ACTR3C: variants seen among roughly 807,000 people sequenced by gnomAD.
The protein encoded by ACTR3C is actin-related protein 3C.
A neutral mutation model predicts 26.3 loss-of-function variants in ACTR3C; 18 were observed. That is an observed-to-expected ratio of 0.68 (90% CI 0.47 to 1.01). ACTR3C has a LOEUF of 1.01. Among genes scored for constraint, ACTR3C ranks in the 50% least tolerant of loss-of-function variants. The pLI is 0.00. For missense variants in ACTR3C, 184 were observed against 250.7 expected (o/e 0.73, Z 1.80); for synonymous variants, 55 against 94.5 (o/e 0.58, Z 2.42).
the ACTR3C span, among the ~76,000 whole-genome samples, chr7:150,132,094 T>C: frequency 2.6e-5 from 4 of 152,148 alleles, no homozygotes; most frequent in Non-Finnish European, 5.9e-5. Flanking sequence ...TTAGGGAGTG[T>C]CCTAGTGGGC....
At chr7:150,293,858 C>T (rs1381759372) in intron 2 of ACTR3C, among the ~76,000 whole-genome samples, 1 of 152,142 alleles carries the variant, frequency 6.6e-6, no homozygotes, top group African/African-American at 2.4e-5. Flanking sequence ...ATCCCTTCAT[C>T]CCAGAAGGTC....
At chr7:150,095,184 T>C in the ACTR3C span, among the ~76,000 whole-genome samples, 1 of 149,242 alleles carries the variant, frequency 6.7e-6, no homozygotes, top group African/African-American at 2.6e-5. Flanking sequence ...TGACTTCACA[T>C]ACTTCCTTCC....
intron 6 of ACTR3C, among the ~76,000 whole-genome samples, chr7:150,250,379 AT>A (rs1176483210): frequency 6.6e-6 from 1 of 150,986 alleles, no homozygotes; most frequent in Non-Finnish European, 1.5e-5. Flanking sequence ...AATTTTTTGT[AT>A]TTTTACTAGA....
chr7:149,978,684 T>TGTA, the ACTR3C span, among the ~76,000 whole-genome samples: 2 of 151,512 alleles, frequency 1.3e-5, no homozygotes, highest in Non-Finnish European at 3.0e-5. Context: ...TAGGAGGAGC[T>TGTA]GTAGATCTGT....
chr7:150,033,534 C>G, the ACTR3C span, among the ~76,000 whole-genome samples: 2 of 152,170 alleles, frequency 1.3e-5, no homozygotes, highest in African/African-American at 4.8e-5. Flanking sequence ...ATCTGAGGAT[C>G]CACAATGGGG....
chr7:150,232,309 C>G, the ACTR3C span, among the ~76,000 whole-genome samples: 2 of 152,232 alleles, frequency 1.3e-5, no homozygotes, highest in East Asian at 3.9e-4. Context: ...TTTTTTACCA[C>G]TATGAACACC....
At chr7:150,082,934 CT>C in the ACTR3C span, among the ~76,000 whole-genome samples, 85 of 104,942 alleles carry the variant, frequency 8.1e-4, no homozygotes, top group Non-Finnish European at 6.0e-4. Context: ...TCTTTTTTTT[CT>C]TTTTTTTTTT....
At chr7:149,990,291 G>A in the ACTR3C span, among the ~76,000 whole-genome samples, 1 of 146,660 alleles carries the variant, frequency 6.8e-6, no homozygotes, top group African/African-American at 2.5e-5. Flanking sequence ...ACAAAGTCAG[G>A]AGCATTCACA....
the ACTR3C span, among the ~76,000 whole-genome samples, chr7:149,915,955 T>G: frequency 3.4e-4 from 52 of 151,114 alleles, no homozygotes; most frequent in African/African-American, 1.3e-3. Flanking sequence ...AAAATGAAGA[T>G]GTATACTTAC....
chr7:150,266,495 A>T (rs1273439929), intron 6 of ACTR3C, among the ~76,000 whole-genome samples: 3 of 152,064 alleles, frequency 2.0e-5, no homozygotes, highest in Non-Finnish European at 4.4e-5. Context: ...ACCATTTTTT[A>T]AAAACTTCGT....
At chr7:150,211,481 A>G in the ACTR3C span, among the ~76,000 whole-genome samples, 1 of 151,572 alleles carries the variant, frequency 6.6e-6, no homozygotes, top group Admixed American at 6.5e-5. Context: ...GGGTTTCGCC[A>G]TGTTGGCCAA....
chr7:150,006,185 A>AATTTATTTATTTATTTATTTATTTACTT, the ACTR3C span, among the ~76,000 whole-genome samples: 1 of 139,016 alleles, frequency 7.2e-6, no homozygotes, highest in African/African-American at 2.7e-5. Context: ...AATTGCACAG[A>AATTTATTTATTTATTTATTTATTTACTT]ATTTATTTAT....
chr7:150,318,836 A>C (rs1797200838), intron 1 of ACTR3C, among the ~76,000 whole-genome samples: 1 of 152,230 alleles, frequency 6.6e-6, no homozygotes, highest in Admixed American at 6.5e-5. Context: ...AATTTGCTTT[A>C]GATCAGTGTT....
the ACTR3C span, among the ~76,000 whole-genome samples, chr7:150,189,461 C>G: frequency 6.6e-6 from 1 of 150,874 alleles, no homozygotes; most frequent in Non-Finnish European, 1.5e-5. Context: ...TATATTTTGA[C>G]AAATGGATAA....
At chr7:150,040,798 C>CG in the ACTR3C span, 2 of 146,554 alleles carry the variant, frequency 1.4e-5, no homozygotes, top group Non-Finnish European at 3.0e-5. Flanking sequence ...CCCCGCCTTG[C>CG]GGGGGGTGTC....
chr7:150,069,681 G>A, the ACTR3C span, among the ~76,000 whole-genome samples: 13 of 152,172 alleles, frequency 8.5e-5, no homozygotes, highest in African/African-American at 3.1e-4. Flanking sequence ...AGAGCTAAAA[G>A]TAACCAGATG....
the ACTR3C span, among the ~76,000 whole-genome samples, chr7:150,046,347 G>GCCCCCCCCCCCCC: frequency 5.9e-5 from 1 of 17,014 alleles, no homozygotes; most frequent in African/African-American, 1.5e-4. Context: ...ATGTCTCACC[G>GCCCCCCCCCCCCC]CCCCCCCCCC....
At chr7:150,078,491 T>G in the ACTR3C span, among the ~76,000 whole-genome samples, 3,747 of 150,168 alleles carry the variant, frequency 0.025, 65 homozygotes, top group Non-Finnish European at 0.038. Flanking sequence ...GCTCTACCTC[T>G]TCCATCACCT....
At chr7:149,995,793 G>T in the ACTR3C span, among the ~76,000 whole-genome samples, 1 of 152,276 alleles carries the variant, frequency 6.6e-6, no homozygotes, top group Non-Finnish European at 1.5e-5. Context: ...CCACAGCTCC[G>T]TGAGGGGCAC....
Sources: gnomAD v4.1 joint callset for allele counts (sites outside exome capture counted in the v4.1 genomes callset) on GRCh38, gnomAD v4.1.1 for gene constraint, MANE v1.5 for transcripts, NCBI Gene and HGNC (gene_info 2026-07-23, HGNC 2026-07-21) for gene names.